SLC5A3: variants seen among roughly 807,000 people sequenced by gnomAD.
SLC5A3 encodes the protein solute carrier family 5 member 3.
SLC5A3 carries 10 observed loss-of-function variants against 43.2 expected under a neutral mutation model. That is an observed-to-expected ratio of 0.23 (90% confidence interval 0.14 to 0.39). SLC5A3 has a LOEUF of 0.39. Among genes scored for constraint, SLC5A3 ranks in the 10% least tolerant of loss-of-function variants. SLC5A3 has a pLI of 1.00. For synonymous variants in SLC5A3, 349 were observed against 322.0 expected, an observed-to-expected ratio of 1.08 and a Z score of -0.90; for missense variants, 608 against 893.4, an observed-to-expected ratio of 0.68 and a Z score of 4.07.
chr21:34,089,547 G>A (rs939833403), intron 1 of SLC5A3, among the ~76,000 whole-genome samples: 1 of 152,034 alleles, frequency 6.6e-6, no homozygotes, highest in African/African-American at 2.4e-5. Flanking sequence ...ATATATCTTG[G>A]GCGGAGTGTA....
At chr21:34,088,907 C>G (rs1350126114) in intron 1 of SLC5A3, among the ~76,000 whole-genome samples, 3 of 151,484 alleles carry the variant, frequency 2.0e-5, no homozygotes, top group Non-Finnish European at 4.4e-5. Context: ...ATTTATAACT[C>G]ACTTATCTTT....
chr21:34,104,621 A>G lies in SLC5A3; in HGVS notation c.*7266A>G. On this transcript the variant is annotated 3_prime_UTR_variant, in exon 2 of 2. Transcript: ENST00000381151. Reference sequence around the variant, plus strand: ...TTAACCTGAACACTTTGAGGGAGAGATTATTCTTGCCAGCAAAAAGCTAGC... The same window carrying G: ...TTAACCTGAACACTTTGAGGGAGAGGTTATTCTTGCCAGCAAAAAGCTAGC... 3 of 1,000,234 alleles carry G rather than the reference A, an allele frequency of 3.0e-6. No individual in the cohort carries two copies. The highest frequency in any genetic ancestry group is 3.6e-6 in the Non-Finnish European group (3 of 829,966). 62.0% of individuals were successfully genotyped at this position (1,000,234 alleles called of 1,614,324 possible).
At chr21:34,084,235 A>G (rs1989521574) in intron 1 of SLC5A3, among the ~76,000 whole-genome samples, 2 of 152,014 alleles carry the variant, frequency 1.3e-5, no homozygotes, top group Non-Finnish European at 1.5e-5. Flanking sequence ...TGAATCTTCT[A>G]TTTATAACTT....
At chr21:34,075,853 A>G (rs1989317685) in intron 1 of SLC5A3, among the ~76,000 whole-genome samples, 1 of 152,186 alleles carries the variant, frequency 6.6e-6, no homozygotes, top group South Asian at 2.1e-4. Context: ...TTGGGGGGAA[A>G]CGAATTTAAA....
At chr21:34,080,219 G>A (rs1989428599) in intron 1 of SLC5A3, among the ~76,000 whole-genome samples, 1 of 152,186 alleles carries the variant, frequency 6.6e-6, no homozygotes, top group African/African-American at 2.4e-5. Flanking sequence ...AGCATTAAGT[G>A]ATGGCTTTCT....
At position 34,099,669 on chromosome 21, in the gene SLC5A3, T is replaced by C. The variant is rs567767083; in HGVS notation, c.*2314T>C. The C allele has an allele frequency of 8.0e-6, 8 of 998,016 alleles. No individual in the cohort carries two copies. Among genetic ancestry groups the C allele is most frequent in the Admixed American group, 6.2e-5 (1 of 16,252 alleles). The allele number at this position is 998,016 out of a possible 1,614,324, so 61.8% of individuals were successfully genotyped here. A position where few individuals can be genotyped will look rare whatever the true frequency, so the allele number is the denominator to read the frequency against. ...TTTGGAGAATTAGGGTCCCTCTACC[T>C]TCTTTCTGCTCTTGTCTTAGTAAGA... is the stretch of plus-strand genomic sequence containing the variant. On this transcript the variant is annotated 3_prime_UTR_variant, in exon 2 of 2. Coordinates refer to ENST00000381151, the MANE Select transcript of SLC5A3 (RefSeq NM_006933.7).
At chr21:34,093,466 C>T (rs1978810462) in intron 1 of SLC5A3, among the ~76,000 whole-genome samples, 1 of 152,012 alleles carries the variant, frequency 6.6e-6, no homozygotes, top group Admixed American at 6.6e-5. Flanking sequence ...ATGTTTAGCT[C>T]CTTTTGTCAG....
chr21:34,074,381 C>T (rs890320804), intron 1 of SLC5A3, among the ~76,000 whole-genome samples: 1 of 152,274 alleles, frequency 6.6e-6, no homozygotes, highest in African/African-American at 2.4e-5. Flanking sequence ...AAATCCCGCT[C>T]CGGGTGCCCT....
intron 1 of SLC5A3, among the ~76,000 whole-genome samples, chr21:34,086,496 G>A (rs1203199975): frequency 6.9e-6 from 1 of 144,640 alleles, no homozygotes; most frequent in Admixed American, 7.2e-5. Context: ...TATCTGACTT[G>A]TGTTTATTTC....
rs1281690286 is a variant in SLC5A3 at position 34,073,736 on chromosome 21, C to T, written c.-346C>T. The T allele has an allele frequency of 1.3e-6, 2 of 1,528,440 alleles. No homozygotes were observed. Among genetic ancestry groups the T allele is most frequent in the Non-Finnish European group, 1.8e-6 (2 of 1,133,032 alleles). 94.7% of individuals were successfully genotyped at this position (1,528,440 alleles called of 1,614,324 possible). On this transcript the variant is annotated 5_prime_UTR_variant, in exon 1 of 2. Transcript: ENST00000381151. Reference sequence around the variant, plus strand: ...ACGAGCTGGCTTTAATCCTGAAAGCCATGCAGCGGGTAAGTGACCTTCCCT... The same window carrying T: ...ACGAGCTGGCTTTAATCCTGAAAGCTATGCAGCGGGTAAGTGACCTTCCCT...
Position 34,098,421 on chromosome 21 carries a change from T to G in SLC5A3, c.*1066T>G. Reference sequence around the variant, plus strand: ...AGGTTGAATTTTTAGAGGGAAAATTTAATTCTGATATCTTATTGCATCCTT... The same window carrying G: ...AGGTTGAATTTTTAGAGGGAAAATTGAATTCTGATATCTTATTGCATCCTT... On this transcript the variant is annotated 3_prime_UTR_variant, in exon 2 of 2. Transcript: ENST00000381151. 2.0e-6 allele frequency: 2 copies of G among 1,000,180 alleles called. No homozygotes were observed. Among genetic ancestry groups the G allele is most frequent in the South Asian group, 9.4e-5 (2 of 21,272 alleles). 62.0% of individuals were successfully genotyped at this position (1,000,180 alleles called of 1,614,324 possible).
Position 34,104,086 on chromosome 21 carries a change from T to G in SLC5A3, c.*6731T>G. The G allele has an allele frequency of 1.0e-6, 1 of 1,000,098 alleles. No homozygotes were observed. The allele number at this position is 1,000,098 out of a possible 1,614,324, so 62.0% of individuals were successfully genotyped here. On this transcript the variant is annotated 3_prime_UTR_variant, in exon 2 of 2. Coordinates refer to ENST00000381151, the MANE Select transcript of SLC5A3 (RefSeq NM_006933.7). ...GCAAATACTACTTGTCTTTGATTTTTTTTGTGTACGTTTGTATGTGAGAGA... is the reference window on the plus strand; with the variant it reads ...GCAAATACTACTTGTCTTTGATTTTGTTTGTGTACGTTTGTATGTGAGAGA...
At chr21:34,079,253 A>G (rs756254793) in intron 1 of SLC5A3, among the ~76,000 whole-genome samples, 21 of 152,234 alleles carry the variant, frequency 1.4e-4, no homozygotes, top group Non-Finnish European at 2.1e-4. Context: ...TTCAGAGTCC[A>G]TAAGTAAAGT....
chr21:34,080,345 AT>A (rs1989431096), intron 1 of SLC5A3, among the ~76,000 whole-genome samples: 1 of 152,138 alleles, frequency 6.6e-6, no homozygotes, highest in African/African-American at 2.4e-5. Context: ...CTCCCAACTT[AT>A]TTTTTTAACC....
In SLC5A3 at chr21:34,096,711, T is replaced by G. The variant is rs763240947; in HGVS notation, c.1513T>G (p.Phe505Val). 6.2e-7 allele frequency: 1 copy of G among 1,614,086 alleles called. No individual in the cohort carries two copies. The highest frequency in any genetic ancestry group is 1.3e-5 in the African/African-American group (1 of 75,018). ...ECDQPDNRPG[F>V]IKDIHYMYVA... ...TGACCAACCTGATAATAGGCCGGGC[T>G]TCATCAAAGACATCCATTATATGTA... The change falls in exon 2 of 2, where the codon TTC (phenylalanine) becomes GTC (valine). Residue 505 changes from phenylalanine (F) to valine (V), a missense_variant. This residue lies in a region of SLC5A3 where 398 missense variants were observed against 668.6 expected (regional missense o/e 0.60). Coordinates refer to ENST00000381151, the MANE Select transcript of SLC5A3 (RefSeq NM_006933.7). The surrounding 1 kb of genome is among the most constrained non-coding windows in gnomAD (Gnocchi z 5.9).
At chr21:34,093,489 T>A (rs564839478) in intron 1 of SLC5A3, among the ~76,000 whole-genome samples, 24 of 152,300 alleles carry the variant, frequency 1.6e-4, no homozygotes, top group Admixed American at 6.5e-4. Flanking sequence ...AGAAGTGTGT[T>A]GTAAAGTTTC....
At position 34,081,668 on chromosome 21, in the gene SLC5A3, A is replaced by T. The variant is rs889413957; in HGVS notation, c.-337+7923A>T. On this transcript the variant is annotated intron_variant, in intron 1 of 1. Coordinates refer to ENST00000381151, the MANE Select transcript of SLC5A3 (RefSeq NM_006933.7). ...CCTCAGTTCCTTCTTTGTAAAATGGAAGTAATTCATTTGGGAGGGTATTTG... is the reference window on the plus strand; with the variant it reads ...CCTCAGTTCCTTCTTTGTAAAATGGTAGTAATTCATTTGGGAGGGTATTTG... Among the ~76,000 whole-genome samples, 6 of 152,120 alleles carry T rather than the reference A, an allele frequency of 3.9e-5. No individual in the cohort carries two copies. The South Asian group carries it at 1.0e-3, about 26-fold the overall frequency.
rs369613190 is a variant in SLC5A3 at position 34,097,146 on chromosome 21, G to A, written c.1948G>A (p.Asp650Asn). 1 of 1,614,106 alleles carries A rather than the reference G, an allele frequency of 6.2e-7. No individual in the cohort carries two copies. The highest frequency in any genetic ancestry group is 1.3e-5 in the African/African-American group (1 of 75,044). ...GAAAGAGAGAAAGAAAGAAACGGAT[G>A]ATGGAGGTCGGTACTGGAAGTTCAT... Reference protein sequence around the residue: ...GEKERKKETDDGGRYWKFIDW... With the variant: ...GEKERKKETDNGGRYWKFIDW... Residue 650 changes from aspartate to asparagine, a missense_variant, in exon 2 of 2, where the codon GAT becomes AAT. By Grantham distance (23) the Asp-to-Asn change is conservative (BLOSUM62 1). This residue lies in a region of SLC5A3 where 210 missense variants were observed against 224.8 expected (regional missense o/e 0.93). Transcript: ENST00000381151.
intron 1 of SLC5A3, among the ~76,000 whole-genome samples, chr21:34,085,323 G>A (rs940369296): frequency 6.6e-6 from 1 of 152,114 alleles, no homozygotes; most frequent in African/African-American, 2.4e-5. Context: ...ATTTCATAGG[G>A]ATGTCAATGC....
Sources: gnomAD v4.1 joint callset for allele counts (sites outside exome capture counted in the v4.1 genomes callset) on GRCh38, gnomAD v4.1.1 for gene constraint, gnomAD v4.1.1 regional missense constraint, Gnocchi (gnomAD v3.1) non-coding constraint, MANE v1.5 for transcripts, NCBI Gene and HGNC (gene_info 2026-07-23, HGNC 2026-07-21) for gene names.